The following GYS1 variants were observed in gnomAD, a reference collection of about 807,000 sequenced individuals.
The protein encoded by GYS1 is glycogen synthase 1.
GYS1 carries 60 observed loss-of-function variants against 89.1 expected under a neutral mutation model. That is an observed-to-expected ratio of 0.67 (90% CI 0.55 to 0.84). GYS1 has a LOEUF of 0.84. Among genes scored for constraint, GYS1 ranks in the 40% least tolerant of loss-of-function variants. The probability of loss-of-function intolerance (pLI) is 0.00; values close to 1 mark genes in which losing one functional copy is unlikely to be tolerated. For missense variants in GYS1, 888 were observed against 1,003.1 expected, an observed-to-expected ratio of 0.89 and a Z score of 1.55; for synonymous variants, 366 against 401.7, an observed-to-expected ratio of 0.91 and a Z score of 1.06.
intron 5 of GYS1, among the ~76,000 whole-genome samples, chr19:48,984,452 G>A (rs12978625): frequency 6.8e-6 from 1 of 148,034 alleles, no homozygotes; most frequent in South Asian, 2.2e-4. Flanking sequence ...CTGGAGTGCA[G>A]TGGTGTGATC....
rs1270593916 is a variant in GYS1, at chr19:48,968,702, C to T, written c.*586G>A. On this transcript the variant is annotated 3_prime_UTR_variant, in exon 16 of 16. Transcript: ENST00000323798. ...GGATGGAGGGATCCTCCAGGCAGAG[C>T]CTGGCTCTGACATGCCAGGGAGGGC... is the stretch of plus-strand genomic sequence containing the variant. 1 of 454,090 alleles carries T rather than the reference C, an allele frequency of 2.2e-6. No individual in the cohort carries two copies. Among genetic ancestry groups the T allele is most frequent in the Non-Finnish European group, 4.4e-6 (1 of 226,788 alleles). 28.1% of individuals were successfully genotyped at this position (454,090 alleles called of 1,614,324 possible).
chr19:48,973,972 G>C (rs2038605091), intron 12 of GYS1, among the ~76,000 whole-genome samples: 1 of 152,136 alleles, frequency 6.6e-6, no homozygotes, highest in South Asian at 2.1e-4. Flanking sequence ...ACTGCTTTCT[G>C]GGAGAAAGCA....
rs368411528 is a variant in GYS1, at chr19:48,992,914, C to A, written c.118+81G>T. On this transcript the variant is annotated intron_variant, in intron 1 of 15. Transcript: ENST00000323798. ...GTCACAAGGGTTCCCCTAGTAGCCC[C>A]GTCCTCCTACAACTCAGAGTTCCGG... 4.7e-6 allele frequency: 4 copies of A among 843,294 alleles called. No individual in the cohort carries two copies. The East Asian group carries it at 9.7e-5, about 20-fold the overall frequency. The allele number at this position is 843,294 out of a possible 1,614,324, so 52.2% of individuals were successfully genotyped here.
At chr19:48,970,291 AT>A (rs528689536) in intron 14 of GYS1, 250 of 490,416 alleles carry the variant, frequency 5.1e-4, no homozygotes, top group Middle Eastern at 1.1e-3. Flanking sequence ...CGCTCGGCTG[AT>A]TTTTTTTTAT....
At chr19:48,971,258 T>C (rs1375866185) in intron 12 of GYS1, among the ~76,000 whole-genome samples, 1 of 152,224 alleles carries the variant, frequency 6.6e-6, no homozygotes, top group East Asian at 1.9e-4. Flanking sequence ...GGAAAGTCCA[T>C]AGTTGGGAGA....
intron 5 of GYS1, 117 bp from the exon 6 acceptor site, chr19:48,982,954 G>A (rs759850789): frequency 4.6e-5 from 36 of 779,198 alleles, no homozygotes; most frequent in African/African-American, 6.9e-5. Context: ...TTTCAAGAGC[G>A]TTCCTATGAG....
chr19:48,988,182 C>T (rs1045768960), intron 2 of GYS1, among the ~76,000 whole-genome samples: 1 of 152,198 alleles, frequency 6.6e-6, no homozygotes, highest in Non-Finnish European at 1.5e-5. Context: ...TGTCACATGT[C>T]CTGTGTCTAT....
intron 2 of GYS1, among the ~76,000 whole-genome samples, chr19:48,989,017 G>A (rs528879191): frequency 4.6e-5 from 7 of 152,050 alleles, no homozygotes; most frequent in Admixed American, 4.6e-4. Flanking sequence ...GGCCCATTTT[G>A]TAGTCCACAG....
chr19:48,968,822 AC>A lies in GYS1; in HGVS notation c.*465del, dbSNP rs1568614410. ...AACTCTGAAAGTGCCCCGGCTCTGG[AC>A]TTGATCGCCCCATTCGCAGGGACAC... On this transcript the variant is annotated 3_prime_UTR_variant, in exon 16 of 16. Coordinates refer to ENST00000323798, the MANE Select transcript of GYS1 (RefSeq NM_002103.5). 4.4e-6 allele frequency: 2 copies of A among 456,868 alleles called. No individual in the cohort carries two copies. Among genetic ancestry groups the A allele is most frequent in the Admixed American group, 4.7e-5 (2 of 42,606 alleles). The allele number at this position is 456,868 out of a possible 1,614,324, so 28.3% of individuals were successfully genotyped here. A position where few individuals can be genotyped will look rare whatever the true frequency, so the allele number is the denominator to read the frequency against.
Position 48,982,347 on chromosome 19 carries a change from A to C in GYS1, c.970T>G (p.Leu324Val), listed in dbSNP as rs1428048247. ...TAGCGGCCGGCGATAAAGAAGTATA[A>C]GGTCTTGTCCAAGTTGAAGTCCAGA... ...GHLDFNLDKTLYFFIAGRYEF... is the reference protein window; with the variant it reads ...GHLDFNLDKTVYFFIAGRYEF... Residue 324 changes from leucine to valine, a missense_variant, in exon 7 of 16, where the codon TTA (leucine) becomes GTA (valine). Coordinates refer to ENST00000323798, the MANE Select transcript of GYS1 (RefSeq NM_002103.5). 6.2e-7 allele frequency: 1 copy of C among 1,613,770 alleles called. No individual in the cohort carries two copies. Among genetic ancestry groups the C allele is most frequent in the African/African-American group, 1.3e-5 (1 of 74,888 alleles).
chr19:48,979,522 C>A lies in GYS1; in HGVS notation c.1170-1365G>T, dbSNP rs1318064012. ...TGGCTAATTTTTATATTTTTAGTACCGATGGGATTTCACCACGTTGACCAG... is the reference window on the plus strand; with the variant it reads ...TGGCTAATTTTTATATTTTTAGTACAGATGGGATTTCACCACGTTGACCAG... On this transcript the variant is annotated intron_variant, in intron 8 of 15. Transcript: ENST00000323798. Among the ~76,000 whole-genome samples the A allele has an allele frequency of 6.8e-4, 102 of 151,036 alleles. 1 individual carries two copies. Among genetic ancestry groups the A allele is most frequent in the Admixed American group, 2.6e-4 (4 of 15,140 alleles).
rs1420812352 is a variant in GYS1, at chr19:48,969,575, G to A, written c.1927C>T (p.Pro643Ser). 2 of 1,538,486 alleles carry A rather than the reference G, an allele frequency of 1.3e-6. No individual in the cohort carries two copies. Among genetic ancestry groups the A allele is most frequent in the Non-Finnish European group, 1.7e-6 (2 of 1,146,946 alleles). The part of the protein sequence containing the change: ...GYRYPRPASV[P>S]PSPSLSRHSS... Reference sequence around the variant, plus strand: ...TGTCGTGACAGCGAGGGCGACGGTGGCACCGAGGCTGGCCGTGGGTAGCGG... The same window carrying A: ...TGTCGTGACAGCGAGGGCGACGGTGACACCGAGGCTGGCCGTGGGTAGCGG... The change falls in exon 16 of 16, where the codon CCA (proline) becomes TCA (serine). Residue 643 changes from proline (P) to serine (S), a missense_variant. By Grantham distance (74) the Pro-to-Ser change is moderately conservative. Coordinates refer to ENST00000323798, the MANE Select transcript of GYS1 (RefSeq NM_002103.5).
chr19:48,986,402 C>T (rs1365328618), intron 3 of GYS1, among the ~76,000 whole-genome samples: 2 of 152,122 alleles, frequency 1.3e-5, no homozygotes, highest in Non-Finnish European at 2.9e-5. Context: ...CTGCACCCAA[C>T]ATTGGCAAAG....
intron 13 of GYS1, 94 bp from the exon 14 acceptor site, chr19:48,970,803 G>T (rs563959255): frequency 3.5e-6 from 5 of 1,431,696 alleles, no homozygotes; most frequent in Non-Finnish European, 4.9e-6. Context: ...CTCTCCCAGC[G>T]GCCCGAGAGC....
Position 48,991,311 on chromosome 19 carries a change from C to G in GYS1, c.291G>C (p.Lys97Asn), listed in dbSNP as rs756642694. 2 of 1,613,754 alleles carry G rather than the reference C, an allele frequency of 1.2e-6. No homozygotes were observed. Among genetic ancestry groups the G allele is most frequent in the African/African-American group, 2.7e-5 (2 of 74,958 alleles). Reference protein sequence around the residue: ...LKRTLDSMNSKGCKVYFGRWL... With the variant: ...LKRTLDSMNSNGCKVYFGRWL... Reference sequence around the variant, plus strand: ...CTGGGCCACGTCCCACCTTGCAGCCCTTGCTGTTCATGGAATCCAGTGTCC... The same window carrying G: ...CTGGGCCACGTCCCACCTTGCAGCCGTTGCTGTTCATGGAATCCAGTGTCC... Residue 97 changes from lysine (K) to asparagine (N), a missense_variant, in exon 2 of 16, where the codon AAG becomes AAC. By Grantham distance (94) the Lys-to-Asn change is moderately conservative. Coordinates refer to ENST00000323798, the MANE Select transcript of GYS1 (RefSeq NM_002103.5). The surrounding 1 kb of genome is among the most constrained non-coding windows in gnomAD (Gnocchi z 4.7).
intron 14 of GYS1, chr19:48,970,217 G>A (rs544100827): frequency 3.4e-5 from 15 of 442,242 alleles, no homozygotes; most frequent in African/African-American, 4.4e-5. Context: ...CTCAACCTCC[G>A]GGGCTCAAGC....
At position 48,993,043 on chromosome 19, in the gene GYS1, G is replaced by A. The variant is rs752321869; in HGVS notation, c.70C>T (p.Leu24=). 8.7e-6 allele frequency: 14 copies of A among 1,613,456 alleles called. No individual in the cohort carries two copies. Among genetic ancestry groups the A allele is most frequent in the African/African-American group, 1.3e-5 (1 of 74,912 alleles). Residue 24 remains leucine (L), a synonymous_variant, in exon 1 of 16, where the codon CTG becomes TTG. Transcript: ENST00000323798. ...GLEDWEDEFD[L]ENAVLFEVAW... ...ACTTCGAAGAGCACTGCGTTCTCCAGGTCGAATTCATCCTCCCAGTCCTCC... is the reference window on the plus strand; with the variant it reads ...ACTTCGAAGAGCACTGCGTTCTCCAAGTCGAATTCATCCTCCCAGTCCTCC...
intron 14 of GYS1, chr19:48,970,147 C>A (rs889080349): frequency 8.0e-6 from 4 of 498,600 alleles, no homozygotes; most frequent in South Asian, 2.2e-5. Context: ...TTTTTAAACA[C>A]GGTCTTGTTC....
rs2038787036 is a variant in GYS1, at chr19:48,982,776, G to A, written c.885C>T (p.Asn295=). The A allele has an allele frequency of 6.2e-7, 1 of 1,613,880 alleles. No homozygotes were observed. Among genetic ancestry groups the A allele is most frequent in the African/African-American group, 1.3e-5 (1 of 74,920 alleles). The change falls in exon 6 of 16, where the codon AAC becomes AAT. Residue 295 remains asparagine, a synonymous_variant. Coordinates refer to ENST00000323798, the MANE Select transcript of GYS1 (RefSeq NM_002103.5). ...TTCGAGCCTTGCTCTGAGCATGGAG[G>A]TTCTGGAACTCATGCATGGCAGAAA... The part of the protein sequence containing the change: ...KKFSAMHEFQ[N]LHAQSKARIQ...
Sources: allele counts gnomAD v4.1 joint callset (sites outside exome capture counted in the v4.1 genomes callset), GRCh38; gene constraint gnomAD v4.1.1; non-coding constraint Gnocchi (gnomAD v3.1); transcripts MANE v1.5; gene names NCBI Gene and HGNC (gene_info 2026-07-23, HGNC 2026-07-21).